The following VGLL4 variants were observed in gnomAD, a reference collection of about 807,000 sequenced individuals.
The protein encoded by VGLL4 is transcription cofactor vestigial-like protein 4.
VGLL4 carries 7 observed loss-of-function variants against 21.0 expected under a neutral mutation model. That is an observed-to-expected ratio of 0.33 (90% CI 0.19 to 0.63). The LOEUF is 0.63. Among genes scored for constraint, VGLL4 ranks in the 20% least tolerant of loss-of-function variants. VGLL4 has a pLI of 0.78. For synonymous variants in VGLL4, 222 were observed against 173.2 expected (o/e 1.28, Z -2.21); for missense variants, 394 against 425.7 (o/e 0.93, Z 0.66).
upstream of VGLL4, among the ~76,000 whole-genome samples, chr3:11,644,198 A>G (rs1488292372): frequency 2.0e-5 from 3 of 152,170 alleles, no homozygotes; most frequent in East Asian, 5.8e-4. Context: ...TAAAAAATCC[A>G]TCATGGAAGC....
chr3:11,720,167 A>G (rs1395779545), intron 1 of VGLL4, among the ~76,000 whole-genome samples: 2 of 151,920 alleles, frequency 1.3e-5, no homozygotes, highest in South Asian at 2.1e-4. Context: ...CACCCCGCCA[A>G]GCGCCCGGAG....
In VGLL4 at chr3:11,689,020, CA is replaced by C. The variant is rs1024366289; in HGVS notation, c.64+13950del. Reference sequence around the variant, plus strand: ...CTGGGGACTGAGTGAGACTCCATCTCAAAAAAAAAAGAGAGAGAGAGATCAA... The same window carrying C: ...CTGGGGACTGAGTGAGACTCCATCTCAAAAAAAAAGAGAGAGAGAGATCAA... On this transcript the variant is annotated intron_variant, in intron 2 of 5. Coordinates refer to the VGLL4 transcript ENST00000273038. Among the ~76,000 whole-genome samples, 59 of 142,598 alleles carry C rather than the reference CA, an allele frequency of 4.1e-4. No homozygotes were observed. The East Asian group carries it at 9.6e-3, about 23-fold the overall frequency. 93.5% of individuals were successfully genotyped at this position (142,598 alleles called of 152,430 possible). A position where few individuals can be genotyped will look rare whatever the true frequency, so the allele number is the denominator to read the frequency against.
At chr3:11,643,396 G>C in intron 1 of VGLL4, 41 bp downstream of exon 1, 1 of 1,613,744 alleles carries the variant, frequency 6.2e-7, no homozygotes, top group Non-Finnish European at 8.5e-7. Context: ...AGGAGTGGCC[G>C]GGACGAGCAA....
chr3:11,586,967 T>C (rs2074375498), intron 2 of VGLL4, among the ~76,000 whole-genome samples: 1 of 150,882 alleles, frequency 6.6e-6, no homozygotes, highest in Non-Finnish European at 1.5e-5. Context: ...TTGCCCTGAA[T>C]TGCACGAGAC....
At position 11,714,901 on chromosome 3, in the gene VGLL4, T is replaced by C. The variant is rs1474912674; in HGVS notation, c.-14+5493A>G. Among the ~76,000 whole-genome samples the C allele has an allele frequency of 3.3e-5, 5 of 152,254 alleles. No individual in the cohort carries two copies. In the East Asian group the frequency reaches 9.7e-4, roughly 30 times the overall value. The stretch of plus-strand genomic sequence containing the variant: ...CTGTAACCCCAGCAGTTTGGGAGGC[T>C]GAGGCGGGCGGATCACGAGGTCAGG... On this transcript the variant is annotated intron_variant, in intron 1 of 5. Coordinates refer to the VGLL4 transcript ENST00000273038.
intron 2 of VGLL4, among the ~76,000 whole-genome samples, chr3:11,651,804 T>C (rs17034981): frequency 6.6e-6 from 1 of 152,054 alleles, no homozygotes. Context: ...AAGCTCCCTT[T>C]GTTGTTACTT....
chr3:11,597,449 T>C (rs1034915403), intron 2 of VGLL4, among the ~76,000 whole-genome samples: 9 of 152,112 alleles, frequency 5.9e-5, no homozygotes, highest in Non-Finnish European at 1.2e-4. Context: ...CATGGATAGG[T>C]TAATGGATAA....
intron 2 of VGLL4, chr3:11,702,925 G>A: frequency 1.3e-6 from 2 of 1,548,322 alleles, no homozygotes; most frequent in Non-Finnish European, 1.8e-6. Flanking sequence ...GAAGACAAGG[G>A]ATCATTAAAG....
chr3:11,574,667 G>A (rs910190630), intron 2 of VGLL4, among the ~76,000 whole-genome samples: 1 of 152,114 alleles, frequency 6.6e-6, no homozygotes, highest in Non-Finnish European at 1.5e-5. Context: ...CCAGCACAAA[G>A]AAACGATTAA....
At chr3:11,687,870 G>T (rs2076474406) in intron 2 of VGLL4, among the ~76,000 whole-genome samples, 1 of 152,012 alleles carries the variant, frequency 6.6e-6, no homozygotes, top group Non-Finnish European at 1.5e-5. Flanking sequence ...AATGCTACTT[G>T]AGTTGTGTCT....
rs746676798 is a variant in VGLL4 at position 11,558,728 on chromosome 3, G to GTGA, written c.716_718dup (p.Ile239dup). 6.2e-7 allele frequency: 1 copy of GTGA among 1,614,020 alleles called. No homozygotes were observed. Among genetic ancestry groups the GTGA allele is most frequent in the Non-Finnish European group, 8.5e-7 (1 of 1,180,036 alleles). On this transcript the variant is annotated inframe_insertion, in exon 5 of 5. Transcript: ENST00000430365. ...GGCAAAGTGGTCGTCCACGGAGCCC[G>GTGA]TGATGGACACGGAGTTGGGTGCCGG...
chr3:11,643,758 G>A lies in VGLL4; in HGVS notation c.-240C>T, dbSNP rs769365742. ...TAGACGGTGTATGTACTGTATCCCC[G>A]ATCGAGTATGAAAACAGCGTTTCAG... On this transcript the variant is annotated 5_prime_UTR_variant, in exon 1 of 5. Coordinates refer to ENST00000430365, the MANE Select transcript of VGLL4 (RefSeq NM_001128219.3). 6.5e-6 allele frequency: 8 copies of A among 1,237,288 alleles called. No individual in the cohort carries two copies. Among genetic ancestry groups the A allele is most frequent in the Non-Finnish European group, 8.1e-6 (8 of 987,348 alleles). The allele number at this position is 1,237,288 out of a possible 1,614,324, so 76.6% of individuals were successfully genotyped here.
At chr3:11,636,173 T>C (rs2075582789) in intron 1 of VGLL4, among the ~76,000 whole-genome samples, 2 of 152,214 alleles carry the variant, frequency 1.3e-5, no homozygotes, top group South Asian at 2.1e-4. Flanking sequence ...TCCAGAAACT[T>C]GCACTCATCA....
intron 3 of VGLL4, among the ~76,000 whole-genome samples, chr3:11,563,545 G>A (rs945879434): frequency 8.5e-5 from 13 of 152,210 alleles, no homozygotes; most frequent in Non-Finnish European, 1.3e-4. Flanking sequence ...CCACACACAC[G>A]TCTCTGGCTG....
At chr3:11,575,815 T>C (rs557618854) in intron 2 of VGLL4, among the ~76,000 whole-genome samples, 72 of 152,334 alleles carry the variant, frequency 4.7e-4, no homozygotes, top group Middle Eastern at 6.8e-3. Context: ...GGCCAACCCC[T>C]GCAACTTTCC....
chr3:11,639,522 C>T (rs1330326962), intron 1 of VGLL4, among the ~76,000 whole-genome samples: 2 of 152,232 alleles, frequency 1.3e-5, no homozygotes, highest in Admixed American at 6.5e-5. Context: ...CGTGCTAGGC[C>T]GTGAGGGCAC....
intron 1 of VGLL4, among the ~76,000 whole-genome samples, chr3:11,608,110 G>C (rs892919364): frequency 6.6e-6 from 1 of 152,130 alleles, no homozygotes; most frequent in Non-Finnish European, 1.5e-5. Flanking sequence ...CAATGGTCTG[G>C]CAATTGAAAA....
upstream of VGLL4, chr3:11,721,386 A>C (rs1246894073): frequency 6.6e-6 from 1 of 152,230 alleles, no homozygotes; most frequent in Non-Finnish European, 1.5e-5. Flanking sequence ...GTGTTGCCCG[A>C]AACTTGGGGC....
intron 1 of VGLL4, among the ~76,000 whole-genome samples, chr3:11,718,939 T>C (rs750770832): frequency 5.3e-5 from 8 of 152,210 alleles, no homozygotes; most frequent in Non-Finnish European, 7.4e-5. Flanking sequence ...TAAATACGAA[T>C]AGCCCCAGCA....
Sources: allele counts gnomAD v4.1 joint callset (sites outside exome capture counted in the v4.1 genomes callset), GRCh38; gene constraint gnomAD v4.1.1; transcripts MANE v1.5; gene names NCBI Gene and HGNC (gene_info 2026-07-23, HGNC 2026-07-21).